Variants in SMIM7 observed in about 807,000 individuals in gnomAD.
The protein encoded by SMIM7 is small integral membrane protein 7.
A neutral mutation model predicts 13.3 loss-of-function variants in SMIM7; 12 were observed. The observed-to-expected ratio is 0.90, with a 90% CI of 0.58 to 1.46. The LOEUF (loss-of-function observed/expected upper bound fraction) is 1.46. Among genes scored for constraint, SMIM7 ranks in the 40% most tolerant of loss-of-function variants. The probability of loss-of-function intolerance (pLI) is 0.00; values close to 1 mark genes in which losing one functional copy is unlikely to be tolerated. For missense variants in SMIM7, 114 were observed against 94.8 expected, an observed-to-expected ratio of 1.20 and a Z score of -0.84; for synonymous variants, 36 against 35.8, an observed-to-expected ratio of 1.01 and a Z score of -0.02.
chr19:16,652,920 C>G (rs1225719263), intron 4 of SMIM7: 1 of 1,550,560 alleles, frequency 6.4e-7, no homozygotes, highest in Admixed American at 2.0e-5. Flanking sequence ...AGTTATGGCC[C>G]CAGTGCTAGA....
chr19:16,654,015 A>T lies in SMIM7; in HGVS notation c.212+20T>A, dbSNP rs369696971. Reference sequence around the variant, plus strand: ...GAGACTAAGAGACGACAGTGAAAGGAAAGGGCAGGCTGGACTCACACAATC... The same window carrying T: ...GAGACTAAGAGACGACAGTGAAAGGTAAGGGCAGGCTGGACTCACACAATC... On this transcript the variant is annotated intron_variant, in intron 4 of 4. Transcript: ENST00000487416. 229 of 1,608,250 alleles carry T rather than the reference A, an allele frequency of 1.4e-4. No homozygotes were observed. Among genetic ancestry groups the T allele is most frequent in the Non-Finnish European group, 1.8e-4 (208 of 1,176,178 alleles).
chr19:16,654,195 T>C lies in SMIM7; in HGVS notation c.122-70A>G. ...TCCCTACTGCCACCTCAGCAGTGGA[T>C]TTTTGTGACTTCCACCCACCCGGCG... On this transcript the variant is annotated intron_variant, in intron 3 of 4. Coordinates refer to ENST00000487416, the MANE Select transcript of SMIM7 (RefSeq NM_024104.4). 6 of 1,326,144 alleles carry C rather than the reference T, an allele frequency of 4.5e-6. 1 individual carries two copies. The South Asian group carries it at 7.2e-5, about 16-fold the overall frequency. 82.1% of individuals were successfully genotyped at this position (1,326,144 alleles called of 1,614,324 possible).
intron 3 of SMIM7, among the ~76,000 whole-genome samples, chr19:16,656,093 T>G (rs900535801): frequency 1.3e-5 from 2 of 152,072 alleles, no homozygotes; most frequent in Non-Finnish European, 1.5e-5. Flanking sequence ...AATCAAACGT[T>G]ACTCATTCCA....
intron 4 of SMIM7, chr19:16,640,671 G>A (rs960299016): frequency 2.6e-5 from 4 of 152,200 alleles, no homozygotes; most frequent in African/African-American, 9.7e-5. Context: ...AGCAGCTCAC[G>A]CCTGTAATCC....
At chr19:16,651,813 A>G (rs1224327929) in intron 4 of SMIM7, among the ~76,000 whole-genome samples, 1 of 126,386 alleles carries the variant, frequency 7.9e-6, no homozygotes, top group Non-Finnish European at 1.6e-5. Context: ...GAGAATGAGA[A>G]GCATGCTGAC....
chr19:16,647,044 C>T lies in SMIM7; in HGVS notation c.*202G>A, dbSNP rs376343597. On this transcript the variant is annotated 3_prime_UTR_variant, in exon 5 of 5. Transcript: ENST00000487416. ...GTAGACAGCATTTCAATTCAGAGAC[C>T]AAAGTGAAACTATCTTTGAAAACAG... The T allele has an allele frequency of 3.7e-5, 24 of 652,114 alleles. No individual in the cohort carries two copies. The highest frequency in any genetic ancestry group is 2.3e-4 in the South Asian group (12 of 51,546). 40.4% of individuals were successfully genotyped at this position (652,114 alleles called of 1,614,324 possible).
At chr19:16,639,779 T>A (rs2086392027) in intron 4 of SMIM7, among the ~76,000 whole-genome samples, 11 of 152,120 alleles carry the variant, frequency 7.2e-5, no homozygotes, top group Admixed American at 5.9e-4. Flanking sequence ...GGCATCCACT[T>A]CACTCAGCTC....
chr19:16,635,898 A>AT (rs1245109850), intron 4 of SMIM7, among the ~76,000 whole-genome samples: 1,584 of 133,520 alleles, frequency 0.012, 9 homozygotes, highest in Non-Finnish European at 0.013. Context: ...AAAAAAAAAA[A>AT]AATATATATA....
intron 4 of SMIM7, among the ~76,000 whole-genome samples, chr19:16,651,461 G>A (rs956554215): frequency 2.6e-5 from 4 of 152,224 alleles, no homozygotes; most frequent in African/African-American, 9.7e-5. Context: ...ACACCAAGGT[G>A]GGTCAATCAG....
downstream of SMIM7, among the ~76,000 whole-genome samples, chr19:16,641,739 T>C (rs978617039): frequency 6.6e-6 from 1 of 152,182 alleles, no homozygotes; most frequent in Non-Finnish European, 1.5e-5. Flanking sequence ...GCTTGGACTA[T>C]AAGCGTGCAG....
intron 4 of SMIM7, among the ~76,000 whole-genome samples, chr19:16,648,913 G>C (rs547071016): frequency 6.6e-6 from 1 of 152,254 alleles, no homozygotes; most frequent in Admixed American, 6.5e-5. Context: ...TACTTAGGAC[G>C]CTGAGGCCAG....
At chr19:16,658,094 G>T (rs2086620033) in intron 3 of SMIM7, among the ~76,000 whole-genome samples, 1 of 152,146 alleles carries the variant, frequency 6.6e-6, no homozygotes, top group African/African-American at 2.4e-5. Context: ...GCTCCATCAT[G>T]GCATCCACCG....
intron 4 of SMIM7, among the ~76,000 whole-genome samples, chr19:16,651,040 A>G (rs576120554): frequency 6.6e-6 from 1 of 152,334 alleles, no homozygotes; most frequent in South Asian, 2.1e-4. Flanking sequence ...AGCCAGTCAC[A>G]TGGGCATCCT....
At chr19:16,634,034 G>GA (rs1414691138) in intron 4 of SMIM7, 2 of 152,132 alleles carry the variant, frequency 1.3e-5, no homozygotes, top group African/African-American at 4.8e-5. Flanking sequence ...TGATCTCTGG[G>GA]AGCCTCCAGG....
At chr19:16,648,323 T>C (rs2122517625) in intron 4 of SMIM7, among the ~76,000 whole-genome samples, 1 of 152,168 alleles carries the variant, frequency 6.6e-6, no homozygotes, top group East Asian at 1.9e-4. Context: ...GTACTTCTAG[T>C]AGAGACGGTG....
intron 4 of SMIM7, among the ~76,000 whole-genome samples, chr19:16,650,965 C>T (rs1350449265): frequency 6.6e-6 from 1 of 152,184 alleles, no homozygotes; most frequent in East Asian, 1.9e-4. Flanking sequence ...TCTTCACTTT[C>T]AGAACGTTTC....
At chr19:16,645,109 A>C (rs2122508242), downstream of SMIM7, 1 of 152,338 alleles carries the variant, frequency 6.6e-6, no homozygotes, top group South Asian at 2.1e-4. Flanking sequence ...GTTCTTGAAA[A>C]GCTTCCTTAA....
chr19:16,645,682 G>A (rs1179423013), downstream of SMIM7: 2 of 125,894 alleles, frequency 1.6e-5, no homozygotes, highest in African/African-American at 3.5e-5. Context: ...TTTTTTTTGA[G>A]ACAGAATCTC....
chr19:16,634,012 C>T (rs556255077), intron 4 of SMIM7: 1 of 152,288 alleles, frequency 6.6e-6, no homozygotes, highest in East Asian at 1.9e-4. Flanking sequence ...CTGTCAAGCG[C>T]TGGGATTGTT....
Sources: gnomAD v4.1 joint callset for allele counts (sites outside exome capture counted in the v4.1 genomes callset) on GRCh38, gnomAD v4.1.1 for gene constraint, MANE v1.5 for transcripts, NCBI Gene and HGNC (gene_info 2026-07-23, HGNC 2026-07-21) for gene names.